TENM3: variants seen among roughly 807,000 people sequenced by gnomAD.
TENM3 encodes the protein teneurin transmembrane protein 3, also known as teneurin-3.
TENM3 carries 63 observed loss-of-function variants against 255.1 expected under a neutral mutation model. The ratio of observed to expected loss-of-function variants is 0.25; its 90% CI spans 0.20 to 0.30. The LOEUF (loss-of-function observed/expected upper bound fraction) is 0.30, where lower values mean the gene tolerates loss of function less well. Among genes scored for constraint, TENM3 ranks in the 10% least tolerant of loss-of-function variants. The pLI is 1.00. For synonymous variants in TENM3, 1,306 were observed against 1,322.3 expected, an observed-to-expected ratio of 0.99 and a Z score of 0.27; for missense variants, 2,929 against 3,461.1, an observed-to-expected ratio of 0.85 and a Z score of 3.86.
chr4:182,123,511 G>C, the TENM3 span, among the ~76,000 whole-genome samples: 3 of 152,176 alleles, frequency 2.0e-5, no homozygotes, highest in African/African-American at 7.2e-5. Context: ...TCAGGGACTA[G>C]ATGGGCCTGA....
At chr4:181,859,242 CAAAAAAAA>C in the TENM3 span, among the ~76,000 whole-genome samples, 2 of 84,142 alleles carry the variant, frequency 2.4e-5, no homozygotes, top group African/African-American at 9.4e-5. Flanking sequence ...GACTCGGTCT[CAAAAAAAA>C]AAAAAAAAAA....
At chr4:182,310,343 G>A (rs1018928702) in intron 1 of TENM3, among the ~76,000 whole-genome samples, 4 of 152,026 alleles carry the variant, frequency 2.6e-5, no homozygotes, top group South Asian at 2.1e-4. Context: ...TTACAGGTGC[G>A]TGCCACCATA....
the TENM3 span, among the ~76,000 whole-genome samples, chr4:181,915,448 ATATTT>A: frequency 6.6e-6 from 1 of 152,150 alleles, no homozygotes; most frequent in Non-Finnish European, 1.5e-5. Flanking sequence ...TAAGGAAAAG[ATATTT>A]TAATGGAGTT....
At chr4:182,635,670 G>A (rs1444843611) in intron 5 of TENM3, among the ~76,000 whole-genome samples, 1 of 152,072 alleles carries the variant, frequency 6.6e-6, no homozygotes, top group Admixed American at 6.6e-5. Flanking sequence ...TTGAACAGCT[G>A]CTACCAACTG....
the TENM3 span, among the ~76,000 whole-genome samples, chr4:182,009,497 A>G: frequency 6.6e-6 from 1 of 152,034 alleles, no homozygotes; most frequent in African/African-American, 2.4e-5. Context: ...CTGAAGATGC[A>G]CTCTGGCCAC....
At chr4:181,831,000 G>A in the TENM3 span, among the ~76,000 whole-genome samples, 55 of 152,220 alleles carry the variant, frequency 3.6e-4, no homozygotes, top group African/African-American at 1.3e-3. Flanking sequence ...CCTCATCAAA[G>A]TAAAAATAAT....
At chr4:181,554,586 C>T in the TENM3 span, among the ~76,000 whole-genome samples, 1 of 152,176 alleles carries the variant, frequency 6.6e-6, no homozygotes, top group Non-Finnish European at 1.5e-5. Context: ...TAGTCCCAAA[C>T]CAGACATTCT....
chr4:182,352,632 C>T (rs528449259), intron 3 of TENM3, among the ~76,000 whole-genome samples: 1 of 152,174 alleles, frequency 6.6e-6, no homozygotes, highest in African/African-American at 2.4e-5. Context: ...AAAGTGCAGT[C>T]TTTTTAAATG....
chr4:182,193,440 T>G (rs936732897), intron 1 of TENM3, among the ~76,000 whole-genome samples: 7 of 152,198 alleles, frequency 4.6e-5, no homozygotes, highest in Non-Finnish European at 1.0e-4. Context: ...CTTTCCAGTC[T>G]TTACATTTAT....
At position 182,231,294 on chromosome 4, in the gene TENM3, G is replaced by A. The variant is rs371256253; in HGVS notation, c.-76+86540G>A. On this transcript the variant is annotated intron_variant, in intron 1 of 2. Transcript: ENST00000512480. ...TGACCAAGTCCTACCAGACCAAAAA[G>A]TACTGGTCTTGGGAGCTGCAGTTGA... 2.8e-4 allele frequency among the ~76,000 whole-genome samples: 43 copies of A among 152,222 alleles called. 1 individual carries two copies. The highest frequency in any genetic ancestry group is 1.0e-3 in the African/African-American group (42 of 41,530).
intron 3 of TENM3, among the ~76,000 whole-genome samples, chr4:182,499,256 G>A (rs1386927752): frequency 6.6e-6 from 1 of 152,130 alleles, no homozygotes; most frequent in African/African-American, 2.4e-5. Flanking sequence ...AATATTTAGG[G>A]TAACAAAAAA....
At position 182,673,064 on chromosome 4, in the gene TENM3, G is replaced by A. The variant is rs1170999381; in HGVS notation, c.1171G>A (p.Gly391Ser). ...NTIDSGELDI[G>S]RRAIQEIPPG... ...CATAGATTCCGGAGAACTTGATATT[G>A]GCCGAAGAGCAATTCAAGAGATTCC... Residue 391 changes from glycine to serine, a missense_variant, in exon 7 of 28, where the codon GGC becomes AGC. Physicochemically the swap from Gly to Ser is moderately conservative, Grantham distance 56. This residue lies in a region of TENM3 where 1,608 missense variants were observed against 1,884.4 expected (regional missense o/e 0.85). Coordinates refer to ENST00000511685, the MANE Select transcript of TENM3 (RefSeq NM_001080477.4). The A allele has an allele frequency of 6.2e-7, 1 of 1,609,392 alleles. No homozygotes were observed. Among genetic ancestry groups the A allele is most frequent in the Admixed American group, 1.7e-5 (1 of 59,476 alleles).
intron 3 of TENM3, among the ~76,000 whole-genome samples, chr4:182,481,160 A>C (rs1251439411): frequency 6.6e-6 from 1 of 152,188 alleles, no homozygotes; most frequent in African/African-American, 2.4e-5. Context: ...AGTTTCTATA[A>C]CAAGTCGTAA....
At position 182,649,420 on chromosome 4, in the gene TENM3, G is replaced by A. The variant is rs913803657; in HGVS notation, c.989-4351G>A. Among the ~76,000 whole-genome samples, 14 of 150,130 alleles carry A rather than the reference G, an allele frequency of 9.3e-5. 4 individuals are homozygous for A. The highest frequency in any genetic ancestry group is 1.5e-5 in the Non-Finnish European group (1 of 67,236). On this transcript the variant is annotated intron_variant, in intron 5 of 27. Coordinates refer to ENST00000511685, the MANE Select transcript of TENM3 (RefSeq NM_001080477.4). ...TCATCTACAAATTTCATTCTGCCTT[G>A]GATAACATTTTGGATATGAATCCAG...
At chr4:181,671,664 T>C in the TENM3 span, among the ~76,000 whole-genome samples, 7 of 152,184 alleles carry the variant, frequency 4.6e-5, no homozygotes, top group African/African-American at 1.7e-4. Context: ...CAGCGTACAA[T>C]AATTATTGCA....
At chr4:182,275,038 T>TG (rs2150237265) in intron 1 of TENM3, among the ~76,000 whole-genome samples, 1 of 152,276 alleles carries the variant, frequency 6.6e-6, no homozygotes, top group African/African-American at 2.4e-5. Context: ...TTGGTCAGGC[T>TG]GGTCTCGAGC....
At chr4:182,560,539 G>A (rs139657026) in intron 3 of TENM3, among the ~76,000 whole-genome samples, 135 of 152,292 alleles carry the variant, frequency 8.9e-4, no homozygotes, top group African/African-American at 3.2e-3. Context: ...TTCAAGAGAG[G>A]CAAAGGCACA....
At chr4:182,592,602 G>A (rs1357168573) in intron 3 of TENM3, among the ~76,000 whole-genome samples, 1 of 152,204 alleles carries the variant, frequency 6.6e-6, no homozygotes, top group Non-Finnish European at 1.5e-5. Flanking sequence ...GCGCACGCCT[G>A]TAATCTCAAC....
At chr4:182,111,168 C>T in the TENM3 span, among the ~76,000 whole-genome samples, 20 of 144,470 alleles carry the variant, frequency 1.4e-4, no homozygotes, top group East Asian at 6.0e-4. Flanking sequence ...AGACTGTATC[C>T]GGATATACAA....
Sources: allele counts gnomAD v4.1 joint callset (sites outside exome capture counted in the v4.1 genomes callset), GRCh38; gene constraint gnomAD v4.1.1; regional missense constraint gnomAD v4.1.1; transcripts MANE v1.5; gene names NCBI Gene and HGNC (gene_info 2026-07-23, HGNC 2026-07-21).